Variants in UBQLN4 observed in about 807,000 individuals in gnomAD.
The protein encoded by UBQLN4 is ubiquilin-4.
UBQLN4 carries 11 observed loss-of-function variants against 60.4 expected under a neutral mutation model. The observed-to-expected ratio is 0.18, with a 90% confidence interval of 0.11 to 0.30. UBQLN4 has a LOEUF of 0.30. Ranked by LOEUF, UBQLN4 falls within the 10% of genes least tolerant of loss-of-function variation. The pLI, the probability that UBQLN4 is intolerant of heterozygous loss-of-function variation, is 1.00. For missense variants in UBQLN4, 417 were observed against 795.5 expected, an observed-to-expected ratio of 0.52 and a Z score of 5.72; for synonymous variants, 258 against 313.1, an observed-to-expected ratio of 0.82 and a Z score of 1.86.
Position 156,035,337 on chromosome 1 carries a change from A to C in UBQLN4, c.*1641T>G. 1.0e-6 allele frequency: 1 copy of C among 985,464 alleles called. No homozygotes were observed. Among genetic ancestry groups the C allele is most frequent in the Non-Finnish European group, 1.2e-6 (1 of 829,916 alleles). 61.0% of individuals were successfully genotyped at this position (985,464 alleles called of 1,614,324 possible). On this transcript the variant is annotated 3_prime_UTR_variant, in exon 11 of 11. Transcript: ENST00000368309. ...ACCACGCCATTTATTTACAAAGGCC[A>C]GTGTGGGAGCTGGGGGAGGCAGGGA... is the stretch of plus-strand genomic sequence containing the variant.
Position 156,050,844 on chromosome 1 carries a change from T to C in UBQLN4, c.478+266A>G, listed in dbSNP as rs1197070494. ...CCAACTTTTCCCCAGACTCACAGGG[T>C]CTTCCATTCCCTTTACCTAGGGTTC... On this transcript the variant is annotated intron_variant, in intron 3 of 10. Transcript: ENST00000368309. This position sits in a 1 kb window ranked among gnomAD's most constrained non-coding sequence, Gnocchi z 4.6. Among the ~76,000 whole-genome samples, 1 of 151,866 alleles carries C rather than the reference T, an allele frequency of 6.6e-6. No homozygotes were observed. The highest frequency in any genetic ancestry group is 1.5e-5 in the Non-Finnish European group (1 of 67,960).
At position 156,036,481 on chromosome 1, in the gene UBQLN4, T is replaced by C; in HGVS notation, c.*497A>G. On this transcript the variant is annotated 3_prime_UTR_variant, in exon 11 of 11. Transcript: ENST00000368309. The stretch of plus-strand genomic sequence containing the variant: ...GGCCGAGAAGGAAAATTACCACCTG[T>C]TTCACCTGCTCCTCCTTCAGAGCAA... 1.0e-6 allele frequency: 1 copy of C among 986,316 alleles called. No homozygotes were observed. The highest frequency in any genetic ancestry group is 1.2e-6 in the Non-Finnish European group (1 of 830,458). The allele number at this position is 986,316 out of a possible 1,614,324, so 61.1% of individuals were successfully genotyped here. A position where few individuals can be genotyped will look rare whatever the true frequency, so the allele number is the denominator to read the frequency against.
At chr1:156,039,794 G>A (rs1004818354) in intron 10 of UBQLN4, among the ~76,000 whole-genome samples, 89 of 151,620 alleles carry the variant, frequency 5.9e-4, no homozygotes, top group Admixed American at 3.4e-3. Context: ...AAAATTAGCC[G>A]GGCGTGGTGG....
intron 6 of UBQLN4, 145 bp downstream of exon 6, chr1:156,043,853 T>C: frequency 1.1e-6 from 1 of 882,870 alleles, no homozygotes; most frequent in East Asian, 2.6e-5. Context: ...ACCCGGCCAC[T>C]ATCCCAGACG....
intron 5 of UBQLN4, among the ~76,000 whole-genome samples, chr1:156,047,934 C>A (rs1434733038): frequency 6.7e-6 from 1 of 149,660 alleles, no homozygotes; most frequent in Non-Finnish European, 1.5e-5. Context: ...ACCAAAAGGG[C>A]ACTGAAATTA....
chr1:156,051,204 A>G lies in UBQLN4; in HGVS notation c.384T>C (p.Ser128=), dbSNP rs1190536160. The change falls in exon 3 of 11, where the codon TCT becomes TCC. Residue 128 remains serine, a synonymous_variant. Coordinates refer to ENST00000368309, the MANE Select transcript of UBQLN4 (RefSeq NM_020131.5). ...PAQPSTSGSA[S]SDAGSGSRRS... is the part of the protein sequence containing the mutation. ...TCCGGCTTCCACTGCCAGCATCTGA[A>G]GAGGCACTGCCAGAGGTGGAGGGCT... The G allele has an allele frequency of 6.2e-7, 1 of 1,611,478 alleles. No individual in the cohort carries two copies. The highest frequency in any genetic ancestry group is 1.7e-5 in the Admixed American group (1 of 59,752).
downstream of UBQLN4, among the ~76,000 whole-genome samples, chr1:156,031,441 G>C (rs921640154): frequency 5.9e-5 from 9 of 152,144 alleles, no homozygotes; most frequent in Non-Finnish European, 1.0e-4. Flanking sequence ...AGATGCTAGA[G>C]TTTGAGCTCA....
intron 10 of UBQLN4, 112 bp downstream of exon 10, chr1:156,041,373 G>A (rs1439661886): frequency 4.1e-6 from 5 of 1,224,890 alleles, no homozygotes; most frequent in South Asian, 1.9e-5. Flanking sequence ...GCAAGTGGCA[G>A]AACAGGACCT....
At chr1:156,044,456 T>C (rs1190589110) in intron 5 of UBQLN4, among the ~76,000 whole-genome samples, 1 of 152,088 alleles carries the variant, frequency 6.6e-6, no homozygotes, top group Non-Finnish European at 1.5e-5. Flanking sequence ...TCTCAGATAA[T>C]TGGAAACTTC....
In UBQLN4 at chr1:156,048,765, G is replaced by T; in HGVS notation, c.742-106C>A. ...GGGTCTGTATCAGGATCAGGACCAG[G>T]GCCCAGGAACTGCCCCACAGTGACA... On this transcript the variant is annotated intron_variant, in intron 4 of 10. Coordinates refer to ENST00000368309, the MANE Select transcript of UBQLN4 (RefSeq NM_020131.5). This position sits in a 1 kb window ranked among gnomAD's most constrained non-coding sequence, Gnocchi z 4.9. 7.6e-7 allele frequency: 1 copy of T among 1,307,662 alleles called. No individual in the cohort carries two copies. The highest frequency in any genetic ancestry group is 1.1e-6 in the Non-Finnish European group (1 of 951,964). The allele number at this position is 1,307,662 out of a possible 1,614,324, so 81.0% of individuals were successfully genotyped here. A position where few individuals can be genotyped will look rare whatever the true frequency, so the allele number is the denominator to read the frequency against.
rs769267677 is a variant in UBQLN4, at chr1:156,041,857, C to T, written c.1466+15G>A. ...TTGCTAGAACCTTGCTGCCCTCCTG[C>T]CCCCCTACCCTCACCTGGGTACCAG... On this transcript the variant is annotated intron_variant, in intron 9 of 10. Coordinates refer to ENST00000368309, the MANE Select transcript of UBQLN4 (RefSeq NM_020131.5). The T allele has an allele frequency of 1.8e-5, 29 of 1,589,302 alleles. No individual in the cohort carries two copies. The highest frequency in any genetic ancestry group is 2.2e-5 in the Non-Finnish European group (26 of 1,171,740).
At chr1:156,034,134 G>A (rs1386547774), downstream of UBQLN4, among the ~76,000 whole-genome samples, 9 of 151,392 alleles carry the variant, frequency 5.9e-5, no homozygotes, top group Admixed American at 6.0e-4. Context: ...CCACAGAACC[G>A]TAGTCCATAA....
intron 1 of UBQLN4, among the ~76,000 whole-genome samples, 167 bp downstream of exon 1, chr1:156,053,427 G>A (rs1209081862): frequency 1.2e-4 from 15 of 126,336 alleles, no homozygotes; most frequent in African/African-American, 4.6e-4. Flanking sequence ...ATCTCCCCTC[G>A]CAGGGCGCCC....
intron 5 of UBQLN4, among the ~76,000 whole-genome samples, chr1:156,047,200 C>CT (rs1683724691): frequency 6.6e-6 from 1 of 150,872 alleles, no homozygotes; most frequent in South Asian, 2.1e-4. Flanking sequence ...CTTTTCCATA[C>CT]TTTTTTGGAA....
At chr1:156,045,287 T>C (rs1256740276) in intron 5 of UBQLN4, among the ~76,000 whole-genome samples, 1 of 152,246 alleles carries the variant, frequency 6.6e-6, no homozygotes, top group African/African-American at 2.4e-5. Flanking sequence ...CACCAGATCC[T>C]GTTCAGATAA....
chr1:156,041,705 G>A (rs1443879838), intron 9 of UBQLN4, 34 bp from the exon 10 acceptor site: 3 of 1,480,584 alleles, frequency 2.0e-6, no homozygotes, highest in South Asian at 1.4e-5. Flanking sequence ...GTAGGAGATG[G>A]CATCCAAGAA....
chr1:156,039,994 C>T (rs550533455), intron 10 of UBQLN4, among the ~76,000 whole-genome samples: 1 of 151,096 alleles, frequency 6.6e-6, no homozygotes, highest in East Asian at 2.0e-4. Flanking sequence ...CAGCAAGCAC[C>T]GTCCACCTGG....
rs368965752 is a variant in UBQLN4, at chr1:156,049,871, A to G, written c.741+420T>C. ...GCCCAGCCACAGTGCTCCCCAAACA[A>G]CCTACTATCTTTCACTCCCAGGCCT... On this transcript the variant is annotated intron_variant, in intron 4 of 10. Coordinates refer to ENST00000368309, the MANE Select transcript of UBQLN4 (RefSeq NM_020131.5). Among the ~76,000 whole-genome samples the G allele has an allele frequency of 2.6e-5, 4 of 151,946 alleles. No homozygotes were observed. In the East Asian group the frequency reaches 5.8e-4, roughly 22 times the overall value.
Position 156,035,937 on chromosome 1 carries a change from C to T in UBQLN4, c.*1041G>A, listed in dbSNP as rs1683389125. ...TGGATACACATGCACCTCCCCACTA[C>T]TCACACAGACCCCAACCCCCTTCAT... On this transcript the variant is annotated 3_prime_UTR_variant, in exon 11 of 11. Coordinates refer to ENST00000368309, the MANE Select transcript of UBQLN4 (RefSeq NM_020131.5). 5.1e-6 allele frequency: 5 copies of T among 985,418 alleles called. No individual in the cohort carries two copies. The East Asian group carries it at 4.5e-4, about 88-fold the overall frequency. 61.0% of individuals were successfully genotyped at this position (985,418 alleles called of 1,614,324 possible).
Sources: gnomAD v4.1 joint callset for allele counts (sites outside exome capture counted in the v4.1 genomes callset) on GRCh38, gnomAD v4.1.1 for gene constraint, Gnocchi (gnomAD v3.1) non-coding constraint, MANE v1.5 for transcripts, NCBI Gene and HGNC (gene_info 2026-07-23, HGNC 2026-07-21) for gene names.